Variants in GRIN3A observed in about 807,000 individuals in gnomAD.
The protein encoded by GRIN3A is glutamate ionotropic receptor NMDA type subunit 3A.
GRIN3A carries 47 observed loss-of-function variants against 92.4 expected under a neutral mutation model. The observed-to-expected ratio is 0.51, with a 90% confidence interval of 0.40 to 0.65. GRIN3A has a LOEUF of 0.65. GRIN3A is among the 30% of genes least tolerant of loss of function. GRIN3A has a pLI of 0.00. For missense variants in GRIN3A, 1,324 were observed against 1,393.1 expected, an observed-to-expected ratio of 0.95 and a Z score of 0.79; for synonymous variants, 527 against 540.6, an observed-to-expected ratio of 0.97 and a Z score of 0.35.
chr9:101,687,554 C>G (rs1016219265), intron 1 of GRIN3A, among the ~76,000 whole-genome samples: 8 of 152,098 alleles, frequency 5.3e-5, no homozygotes, highest in African/African-American at 1.9e-4. Context: ...GCTATTAAGA[C>G]CTCATTTGTT....
chr9:101,687,260 G>A, intron 1 of GRIN3A, 60 bp from the exon 2 acceptor site: 1 of 1,561,352 alleles, frequency 6.4e-7, no homozygotes, highest in African/African-American at 1.4e-5. Context: ...CTTTAACATA[G>A]GGTACTTTTG....
Position 101,724,168 on chromosome 9 carries a change from G to A in GRIN3A, c.699+13113C>T, listed in dbSNP as rs1214064386. Among the ~76,000 whole-genome samples, 4 of 138,556 alleles carry A rather than the reference G, an allele frequency of 2.9e-5. No individual in the cohort carries two copies. In the Admixed American group the frequency reaches 3.0e-4, roughly 10 times the overall value. 90.9% of individuals were successfully genotyped at this position (138,556 alleles called of 152,430 possible). A position where few individuals can be genotyped will look rare whatever the true frequency, so the allele number is the denominator to read the frequency against. ...GACTGGGCGCCATGGAGCAGGGGGTGGCGTTCGTCGAGGAGGCTCGGGCCG... is the reference window on the plus strand; with the variant it reads ...GACTGGGCGCCATGGAGCAGGGGGTAGCGTTCGTCGAGGAGGCTCGGGCCG... On this transcript the variant is annotated intron_variant, in intron 1 of 8. Transcript: ENST00000361820.
intron 7 of GRIN3A, 56 bp downstream of exon 7, chr9:101,579,140 A>T (rs557457284): frequency 4.4e-6 from 7 of 1,578,370 alleles, no homozygotes; most frequent in Non-Finnish European, 6.1e-6. Flanking sequence ...GGATCCTCCC[A>T]TCCCTAGGAA....
At chr9:101,737,256 A>G in intron 1 of GRIN3A, 25 bp downstream of exon 1, 2 of 1,601,612 alleles carry the variant, frequency 1.2e-6, no homozygotes, top group East Asian at 2.2e-5. Context: ...GCCCATCTCC[A>G]CTCCACGCAC....
intron 1 of GRIN3A, among the ~76,000 whole-genome samples, chr9:101,692,933 A>G (rs920548686): frequency 1.3e-5 from 2 of 152,196 alleles, no homozygotes; most frequent in African/African-American, 4.8e-5. Context: ...ATTTAATAAT[A>G]ATTATACAAA....
rs117015346 is a variant in GRIN3A, at chr9:101,728,974, G to A, written c.699+8307C>T. Among the ~76,000 whole-genome samples, 1,086 of 152,230 alleles carry A rather than the reference G, an allele frequency of 7.1e-3. 5 individuals carry two copies. Among genetic ancestry groups the A allele is most frequent in the Non-Finnish European group, 0.012 (840 of 67,996 alleles). ...TGTTACTGTGATACAGATGAAGCCC[G>A]TATGAAAAAGGGGAGACTGCTGAAC... On this transcript the variant is annotated intron_variant, in intron 1 of 8. Transcript: ENST00000361820.
intron 4 of GRIN3A, among the ~76,000 whole-genome samples, chr9:101,625,263 G>C (rs138538911): frequency 2.6e-3 from 389 of 152,234 alleles, no homozygotes; most frequent in Admixed American, 5.2e-3. Flanking sequence ...TTTGCAAAAA[G>C]AATAACTCTT....
At chr9:101,590,827 T>A (rs78628343) in intron 6 of GRIN3A, among the ~76,000 whole-genome samples, 7 of 152,338 alleles carry the variant, frequency 4.6e-5, no homozygotes, top group East Asian at 1.9e-4. Flanking sequence ...ATACTTTTTT[T>A]AAATAAAAAA....
intron 6 of GRIN3A, among the ~76,000 whole-genome samples, chr9:101,609,608 C>T (rs1318667575): frequency 6.6e-6 from 1 of 152,038 alleles, no homozygotes; most frequent in Non-Finnish European, 1.5e-5. Flanking sequence ...GGTAAGTCTC[C>T]AATAGTGTGT....
intron 6 of GRIN3A, chr9:101,594,018 C>T: frequency 5.6e-6 from 1 of 178,952 alleles, no homozygotes; most frequent in Non-Finnish European, 1.2e-5. Flanking sequence ...AAACAGTTCA[C>T]CTAACACCCA....
chr9:101,642,082 T>C (rs1828873543), intron 3 of GRIN3A, among the ~76,000 whole-genome samples: 1 of 152,064 alleles, frequency 6.6e-6, no homozygotes, highest in Non-Finnish European at 1.5e-5. Context: ...AAATATACTA[T>C]AAAGCTATAG....
At chr9:101,657,315 C>T (rs1829102929) in intron 3 of GRIN3A, among the ~76,000 whole-genome samples, 5 of 151,902 alleles carry the variant, frequency 3.3e-5, no homozygotes, top group Admixed American at 3.3e-4. Context: ...TTTGTACAAA[C>T]TACTTTTTAA....
intron 1 of GRIN3A, among the ~76,000 whole-genome samples, chr9:101,701,564 G>A (rs2485525): frequency 0.43 from 65,003 of 151,808 alleles, 14,115 homozygotes; most frequent in South Asian, 0.47. Flanking sequence ...CCCAAACTAC[G>A]AAAACCCTAG....
intron 7 of GRIN3A, 146 bp downstream of exon 7, chr9:101,579,050 A>G (rs1827859170): frequency 7.6e-6 from 6 of 785,388 alleles, no homozygotes; most frequent in Non-Finnish European, 1.3e-5. Context: ...GATAGAGAGA[A>G]TTCCTTCTGC....
chr9:101,715,715 C>G (rs1167679573), intron 1 of GRIN3A, among the ~76,000 whole-genome samples: 1 of 152,024 alleles, frequency 6.6e-6, no homozygotes, highest in African/African-American at 2.4e-5. Flanking sequence ...TTGTACATGA[C>G]AATTTCAGGA....
intron 5 of GRIN3A, 92 bp from the exon 6 acceptor site, chr9:101,613,619 CA>C: frequency 1.7e-5 from 21 of 1,202,152 alleles, no homozygotes; most frequent in East Asian, 7.4e-5. Flanking sequence ...GCCATCAGAC[CA>C]AAAAAAGGGC....
chr9:101,660,129 C>T (rs1213110960), intron 3 of GRIN3A, among the ~76,000 whole-genome samples: 2 of 151,730 alleles, frequency 1.3e-5, no homozygotes, highest in Non-Finnish European at 2.9e-5. Flanking sequence ...TAATATACCA[C>T]CAGGGATCCA....
At chr9:101,611,742 T>C (rs907732909) in intron 6 of GRIN3A, among the ~76,000 whole-genome samples, 4 of 152,170 alleles carry the variant, frequency 2.6e-5, no homozygotes, top group Non-Finnish European at 5.9e-5. Flanking sequence ...CTCAATTGAG[T>C]ATATGTTTAG....
At chr9:101,620,323 T>C (rs1828533146) in intron 5 of GRIN3A, among the ~76,000 whole-genome samples, 1 of 152,134 alleles carries the variant, frequency 6.6e-6, no homozygotes, top group African/African-American at 2.4e-5. Flanking sequence ...GTTGAGCCTA[T>C]TTCGTAGGGG....
Sources: allele counts gnomAD v4.1 joint callset (sites outside exome capture counted in the v4.1 genomes callset), GRCh38; gene constraint gnomAD v4.1.1; transcripts MANE v1.5; gene names NCBI Gene and HGNC (gene_info 2026-07-23, HGNC 2026-07-21).